Variants in DPT observed in about 807,000 individuals in gnomAD.
DPT encodes dermatopontin.
Under a neutral mutation model 31.2 loss-of-function variants are expected in DPT, and 21 were observed. The ratio of observed to expected loss-of-function variants is 0.67; its 90% CI spans 0.48 to 0.97. The LOEUF (loss-of-function observed/expected upper bound fraction) is 0.97, where lower values mean the gene tolerates loss of function less well. DPT is among the 50% of genes least tolerant of loss of function. The probability of loss-of-function intolerance (pLI) is 0.00; values close to 1 mark genes in which losing one functional copy is unlikely to be tolerated. For synonymous variants in DPT, 91 were observed against 86.9 expected (o/e 1.05, Z -0.26); for missense variants, 262 against 258.8 (o/e 1.01, Z -0.08).
intron 2 of DPT, among the ~76,000 whole-genome samples, chr1:168,702,318 TG>T (rs1649617163): frequency 6.6e-6 from 1 of 152,256 alleles, no homozygotes; most frequent in Non-Finnish European, 1.5e-5. Context: ...ATTTATAAAC[TG>T]TAAGGGCTCC....
At chr1:168,704,435 T>A (rs530681725) in intron 2 of DPT, among the ~76,000 whole-genome samples, 1 of 152,362 alleles carries the variant, frequency 6.6e-6, no homozygotes, top group South Asian at 2.1e-4. Flanking sequence ...TAATTTTTAA[T>A]AAAAACTACT....
In DPT at chr1:168,714,269, C is replaced by T. The variant is rs761728571; in HGVS notation, c.383G>A (p.Trp128Ter). The T allele has an allele frequency of 6.2e-7, 1 of 1,614,064 alleles. No individual in the cohort carries two copies. Among genetic ancestry groups the T allele is most frequent in the South Asian group, 1.1e-5 (1 of 91,072 alleles). The part of the protein sequence containing the change: ...RYFESVLDRE[W>*]QFYCCRYSKR... ...GCTGTAGCGACAACAGTAAAACTGC[C>T]ACTCCCGATCCAGCACTGACTCGAA... Residue 128 changes from tryptophan to a stop codon, truncating the protein, a stop_gained, in exon 2 of 4, where the codon TGG (tryptophan) becomes TAG (stop). Coordinates refer to ENST00000367817, the MANE Select transcript of DPT (RefSeq NM_001937.5). LOFTEE classifies it high-confidence loss of function.
chr1:168,711,951 G>T (rs1649874594), intron 2 of DPT, among the ~76,000 whole-genome samples: 1 of 151,814 alleles, frequency 6.6e-6, no homozygotes, highest in Non-Finnish European at 1.5e-5. Context: ...TATATTCTGG[G>T]CAGAAGTGGA....
At chr1:168,709,813 G>T (rs1253259095) in intron 2 of DPT, among the ~76,000 whole-genome samples, 1 of 152,188 alleles carries the variant, frequency 6.6e-6, no homozygotes, top group Non-Finnish European at 1.5e-5. Flanking sequence ...AGATAAGAGG[G>T]TTATCAGCAT....
chr1:168,711,007 T>G (rs550221254), intron 2 of DPT, among the ~76,000 whole-genome samples: 1 of 151,058 alleles, frequency 6.6e-6, no homozygotes, highest in East Asian at 1.9e-4. Flanking sequence ...TGCTTTTTTT[T>G]TTCTTCTTCT....
At chr1:168,698,740 A>G (rs1372233275) in intron 3 of DPT, among the ~76,000 whole-genome samples, 2 of 152,172 alleles carry the variant, frequency 1.3e-5, no homozygotes, top group African/African-American at 4.8e-5. Flanking sequence ...CTGGCCCTAG[A>G]TGTCAATAGC....
chr1:168,726,098 T>C (rs981560296), intron 1 of DPT, among the ~76,000 whole-genome samples: 5 of 152,194 alleles, frequency 3.3e-5, no homozygotes, highest in Admixed American at 6.5e-5. Context: ...GAAGTTGTTT[T>C]GCATGTTTGT....
At chr1:168,725,957 G>A (rs1490944852) in intron 1 of DPT, among the ~76,000 whole-genome samples, 1 of 152,166 alleles carries the variant, frequency 6.6e-6, no homozygotes, top group Admixed American at 6.5e-5. Context: ...TAGCTCCCCA[G>A]CCCATAAGCA....
At chr1:168,705,117 T>A (rs1190812358) in intron 2 of DPT, among the ~76,000 whole-genome samples, 1 of 152,154 alleles carries the variant, frequency 6.6e-6, no homozygotes, top group African/African-American at 2.4e-5. Context: ...ACTTATTAGG[T>A]TTTTAATAGT....
intron 3 of DPT, among the ~76,000 whole-genome samples, chr1:168,698,042 T>C (rs74122745): frequency 0.028 from 4,300 of 152,306 alleles, 217 homozygotes; most frequent in African/African-American, 0.098. Flanking sequence ...CAGAATTATC[T>C]ATCTCCCTTT....
intron 2 of DPT, among the ~76,000 whole-genome samples, chr1:168,702,226 T>C (rs1364854008): frequency 1.3e-5 from 2 of 152,222 alleles, no homozygotes; most frequent in Non-Finnish European, 2.9e-5. Context: ...AGATCACTGT[T>C]TATTAATGCT....
intron 2 of DPT, among the ~76,000 whole-genome samples, chr1:168,707,367 A>T (rs17568882): frequency 0.18 from 27,504 of 152,098 alleles, 2,653 homozygotes; most frequent in African/African-American, 0.22. Context: ...AGTAAGAATG[A>T]TTGCCTCTAG....
chr1:168,709,720 G>T (rs1649808820), intron 2 of DPT, among the ~76,000 whole-genome samples: 1 of 152,198 alleles, frequency 6.6e-6, no homozygotes, highest in African/African-American at 2.4e-5. Flanking sequence ...AGAGGGAAGG[G>T]GAAAAATGTC....
At position 168,696,168 on chromosome 1, in the gene DPT, T is replaced by C. The variant is rs979338128; in HGVS notation, c.*381A>G. 2.4e-6 allele frequency: 1 copy of C among 419,100 alleles called. No individual in the cohort carries two copies. Among genetic ancestry groups the C allele is most frequent in the African/African-American group, 2.0e-5 (1 of 49,044 alleles). 26.0% of individuals were successfully genotyped at this position (419,100 alleles called of 1,614,324 possible). A position where few individuals can be genotyped will look rare whatever the true frequency, so the allele number is the denominator to read the frequency against. On this transcript the variant is annotated 3_prime_UTR_variant, in exon 4 of 4. Coordinates refer to ENST00000367817, the MANE Select transcript of DPT (RefSeq NM_001937.5). ...AACCTTCACTGCACCTCTCCTCCAG[T>C]TCTGCCTCTCCCCTCCACTATGCTG...
chr1:168,704,965 G>A (rs769587973), intron 2 of DPT, among the ~76,000 whole-genome samples: 7 of 151,958 alleles, frequency 4.6e-5, no homozygotes, highest in Non-Finnish European at 8.8e-5. Context: ...TAGATGTCTC[G>A]GCTCCGTTGC....
intron 2 of DPT, among the ~76,000 whole-genome samples, chr1:168,705,586 G>A (rs1649702932): frequency 6.6e-6 from 1 of 152,186 alleles, no homozygotes; most frequent in African/African-American, 2.4e-5. Flanking sequence ...TCTTCCAAAT[G>A]ATCTTTTATA....
chr1:168,729,122 C>T lies in DPT; in HGVS notation c.53G>A (p.Gly18Asp), dbSNP rs745734514. ...VLLPLVTMAWGQYGDYGYPYQ... is the reference protein window; with the variant it reads ...VLLPLVTMAWDQYGDYGYPYQ... ...TGGGTATCCATAATCGCCATACTGGCCCCAGGCCATGGTGACTAGGGGCAG... is the reference window on the plus strand; with the variant it reads ...TGGGTATCCATAATCGCCATACTGGTCCCAGGCCATGGTGACTAGGGGCAG... The change falls in exon 1 of 4, where the codon GGC (glycine) becomes GAC (aspartate). Residue 18 changes from glycine to aspartate, a missense_variant. By Grantham distance (94) the Gly-to-Asp change is moderately conservative (BLOSUM62 -1). Coordinates refer to ENST00000367817, the MANE Select transcript of DPT (RefSeq NM_001937.5). 65 of 1,614,038 alleles carry T rather than the reference C, an allele frequency of 4.0e-5. No individual in the cohort carries two copies. Among genetic ancestry groups the T allele is most frequent in the Non-Finnish European group, 5.2e-5 (61 of 1,180,028 alleles).
intron 1 of DPT, among the ~76,000 whole-genome samples, chr1:168,726,785 T>C (rs1262118552): frequency 2.0e-5 from 3 of 152,238 alleles, no homozygotes; most frequent in Admixed American, 2.0e-4. Flanking sequence ...TGGGCCTGGC[T>C]GTGAGGAGTC....
chr1:168,707,148 T>C (rs1015599635), intron 2 of DPT, among the ~76,000 whole-genome samples: 1 of 152,202 alleles, frequency 6.6e-6, no homozygotes, highest in African/African-American at 2.4e-5. Context: ...ACAACTTCTA[T>C]AGCTCAGTTC....
Sources: allele counts gnomAD v4.1 joint callset (sites outside exome capture counted in the v4.1 genomes callset), GRCh38; gene constraint gnomAD v4.1.1; transcripts MANE v1.5; gene names NCBI Gene and HGNC (gene_info 2026-07-23, HGNC 2026-07-21).